The following SSX5 variants were observed in gnomAD, a reference collection of about 807,000 sequenced individuals.
The protein encoded by SSX5 is SSX family member 5.
SSX5 carries 14 observed loss-of-function variants against 14.9 expected under a neutral mutation model. That is an observed-to-expected ratio of 0.94 (90% CI 0.62 to 1.47). The LOEUF is 1.47. Among genes scored for constraint, SSX5 ranks in the 40% most tolerant of loss-of-function variants. The pLI is 0.00. For missense variants in SSX5, 204 were observed against 154.6 expected, an observed-to-expected ratio of 1.32 and a Z score of -1.70; for synonymous variants, 70 against 55.4, an observed-to-expected ratio of 1.26 and a Z score of -1.17.
chrX:48,190,300 A>T, intron 5 of SSX5, 32 bp from the exon 6 acceptor site: 3 of 1,165,687 alleles, frequency 2.6e-6, no homozygotes, highest in Non-Finnish European at 3.4e-6. Flanking sequence ...GATAAACAGT[A>T]TCAGTGACAT....
intron 3 of SSX5, among the ~76,000 whole-genome samples, chrX:48,194,491 T>C (rs1448598882): frequency 5.6e-5 from 6 of 108,067 alleles, no homozygotes; most frequent in Non-Finnish European, 1.2e-4. Flanking sequence ...ACAGAGACAG[T>C]TGGGCTCATC....
rs1462986075 is a variant in SSX5, at chrX:48,194,161, T to G, written c.248A>C (p.Asp83Ala). 1 of 1,210,655 alleles carries G rather than the reference T, an allele frequency of 8.3e-7. No homozygotes were observed. Among genetic ancestry groups the G allele is most frequent in the Non-Finnish European group, 1.1e-6 (1 of 895,162 alleles). Reference protein sequence around the residue: ...NKRVADFQGNDFDNDPNRGNQ... With the variant: ...NKRVADFQGNAFDNDPNRGNQ... ...CCCACGGTTAGGGTCATTATCAAAA[T>G]CATTCCCCTGGAAGTCTGCGACCCG... The change falls in exon 4 of 8, where the codon GAT becomes GCT. Residue 83 changes from aspartate (D) to alanine (A), a missense_variant. By Grantham distance (126) the Asp-to-Ala change is moderately radical (BLOSUM62 -2). Transcript: ENST00000347757.
rs1176311019 is a variant in SSX5 at position 48,186,408 on chromosome X, G to GCA, written c.*452_*453insTG. ...TGTGTGTGTGTGTGTGTGTGTGCGC[G>GCA]CGCGCGCGCATGTGTGTCTGTGTGG... On this transcript the variant is annotated 3_prime_UTR_variant, in exon 8 of 8. Transcript: ENST00000347757. The GCA allele has an allele frequency of 1.1e-3, 274 of 260,325 alleles. 4 individuals carry two copies. Among genetic ancestry groups the GCA allele is most frequent in the South Asian group, 9.4e-3 (209 of 22,330 alleles). 21.5% of individuals were successfully genotyped at this position (260,325 alleles called of 1,213,427 possible).
intron 4 of SSX5, among the ~76,000 whole-genome samples, chrX:48,193,394 G>A (rs782128179): frequency 3.8e-4 from 42 of 110,665 alleles, no homozygotes; most frequent in African/African-American, 1.3e-3. Flanking sequence ...GAGTCCAGTC[G>A]GATCTCAACA....
intron 1 of SSX5, 139 bp from the exon 2 acceptor site, chrX:48,195,517 G>A: frequency 1.7e-6 from 1 of 590,450 alleles, no homozygotes; most frequent in Middle Eastern, 3.6e-4. Flanking sequence ...CTGTCCCTGA[G>A]TAAGGCCATG....
At chrX:48,191,156 G>A (rs2059418493) in intron 5 of SSX5, among the ~76,000 whole-genome samples, 1 of 110,629 alleles carries the variant, frequency 9.0e-6, no homozygotes, top group Non-Finnish European at 1.9e-5. Context: ...GCCCGCCTCA[G>A]CCTCCCAAAG....
chrX:48,189,480 C>T (rs782378924), intron 6 of SSX5, among the ~76,000 whole-genome samples: 95 of 112,092 alleles, frequency 8.5e-4, no homozygotes, highest in Non-Finnish European at 1.5e-3. Context: ...GCCATCAACA[C>T]CCAGGCAGGA....
Position 48,189,052 on chromosome X carries a change from G to C in SSX5, c.466+1081C>G, listed in dbSNP as rs142964401. 9.8e-3 allele frequency among the ~76,000 whole-genome samples: 1,098 copies of C among 111,840 alleles called. 30 individuals carry two copies. The highest frequency in any genetic ancestry group is 0.092 in the East Asian group (328 of 3,559). On this transcript the variant is annotated intron_variant, in intron 6 of 7. Transcript: ENST00000347757. The stretch of plus-strand genomic sequence containing the variant: ...GAGGTGAAGAAGCTGCAGGAGAAAC[G>C]TGTGAAGCTAGCAGAGGTTGGTTCA...
At chrX:48,196,368 T>G (rs368304374) in intron 1 of SSX5, among the ~76,000 whole-genome samples, 1 of 109,466 alleles carries the variant, frequency 9.1e-6, no homozygotes, top group Non-Finnish European at 1.9e-5. Context: ...GGAGGAAAGA[T>G]TTGAGTGAGT....
In SSX5 at chrX:48,186,364, T is replaced by TGG. The variant is rs1444205955; in HGVS notation, c.*495_*496dup. ...GTTGGGAGATGCCTATACTGGTACT[T>TGG]GGTGTGTGTGTGTGTGTGTGTGTGT... On this transcript the variant is annotated 3_prime_UTR_variant, in exon 8 of 8. Coordinates refer to ENST00000347757, the MANE Select transcript of SSX5 (RefSeq NM_175723.2). 1.2e-3 allele frequency: 200 copies of TGG among 169,259 alleles called. No homozygotes were observed. Among genetic ancestry groups the TGG allele is most frequent in the African/African-American group, 8.7e-3 (191 of 21,986 alleles). The allele number at this position is 169,259 out of a possible 1,213,427, so 13.9% of individuals were successfully genotyped here.
Position 48,186,619 on chromosome X carries a change from T to C in SSX5, c.*242A>G. ...ACTGAAATATGCATTAAGTATGTCT[T>C]GCTCATCAGTGAAAACGCTAATATC... On this transcript the variant is annotated 3_prime_UTR_variant, in exon 8 of 8. Coordinates refer to ENST00000347757, the MANE Select transcript of SSX5 (RefSeq NM_175723.2). The C allele has an allele frequency of 5.5e-6, 3 of 543,138 alleles. No homozygotes were observed. Among genetic ancestry groups the C allele is most frequent in the Non-Finnish European group, 9.0e-6 (3 of 333,053 alleles). The allele number at this position is 543,138 out of a possible 1,213,427, so 44.8% of individuals were successfully genotyped here.
Position 48,186,385 on chromosome X carries a change from TG to T in SSX5, c.*475del, listed in dbSNP as rs2059396191. 2 of 224,600 alleles carry T rather than the reference TG, an allele frequency of 8.9e-6. No homozygotes were observed. Among genetic ancestry groups the T allele is most frequent in the East Asian group, 2.1e-4 (2 of 9,471 alleles). 18.5% of individuals were successfully genotyped at this position (224,600 alleles called of 1,213,427 possible). A position where few individuals can be genotyped will look rare whatever the true frequency, so the allele number is the denominator to read the frequency against. On this transcript the variant is annotated 3_prime_UTR_variant, in exon 8 of 8. Coordinates refer to ENST00000347757, the MANE Select transcript of SSX5 (RefSeq NM_175723.2). ...TACTTGGTGTGTGTGTGTGTGTGTG[TG>T]TGTGTGTGTGTGTGTGTGCGCGCGC...
At chrX:48,190,556 C>CG (rs1481081917) in intron 5 of SSX5, among the ~76,000 whole-genome samples, 2 of 111,661 alleles carry the variant, frequency 1.8e-5, no homozygotes, top group Non-Finnish European at 1.9e-5. Context: ...GTTTGGTATA[C>CG]AGAAGATTTG....
At chrX:48,195,181 C>T (rs782510142) in intron 2 of SSX5, 109 bp downstream of exon 2, 19 of 1,207,988 alleles carry the variant, frequency 1.6e-5, no homozygotes, top group South Asian at 5.3e-5. Context: ...CAGATGTCCC[C>T]GGAGACCCTG....
intron 4 of SSX5, among the ~76,000 whole-genome samples, chrX:48,193,246 G>T (rs1256237303): frequency 1.1e-5 from 1 of 89,053 alleles, no homozygotes; most frequent in African/African-American, 3.5e-5. Flanking sequence ...ATCTACAGTT[G>T]TAACATTTTC....
At position 48,186,859 on chromosome X, in the gene SSX5, G is replaced by A. The variant is rs1389054449; in HGVS notation, c.*5-3C>T. The A allele has an allele frequency of 1.4e-4, 164 of 1,196,307 alleles. No homozygotes were observed. The highest frequency in any genetic ancestry group is 1.7e-4 in the Non-Finnish European group (150 of 895,004). The stretch of plus-strand genomic sequence containing the variant: ...GGGCATGTGTCATATCCCCGAGGCT[G>A]AGGCAAGAAGCGAGAAGGAAAGTAA... On this transcript the variant is annotated splice_region_variant and splice_polypyrimidine_tract_variant and intron_variant, in intron 7 of 7. Transcript: ENST00000347757.
At chrX:48,192,184 G>T (rs138121338) in intron 5 of SSX5, 48 bp downstream of exon 5, 2 of 1,208,050 alleles carry the variant, frequency 1.7e-6, no homozygotes, top group South Asian at 1.8e-5. Context: ...GTTCACATTC[G>T]TGAAGGGACA....
intron 6 of SSX5, among the ~76,000 whole-genome samples, chrX:48,189,312 A>G (rs2059411069): frequency 8.9e-6 from 1 of 112,488 alleles, no homozygotes; most frequent in Admixed American, 9.5e-5. Flanking sequence ...AAGAAGTTCT[A>G]CTGTGGGTAA....
intron 5 of SSX5, among the ~76,000 whole-genome samples, chrX:48,191,806 T>C (rs1397092942): frequency 1.2e-4 from 13 of 112,207 alleles, no homozygotes; most frequent in African/African-American, 4.2e-4. Context: ...TTTATTATTA[T>C]GCTGCTGATA....
Sources: gnomAD v4.1 joint callset for allele counts (sites outside exome capture counted in the v4.1 genomes callset) on GRCh38, gnomAD v4.1.1 for gene constraint, MANE v1.5 for transcripts, NCBI Gene and HGNC (gene_info 2026-07-23, HGNC 2026-07-21) for gene names.